The following GRID1 variants were observed in gnomAD, a reference collection of about 807,000 sequenced individuals.
GRID1 encodes glutamate receptor ionotropic, delta-1.
GRID1 carries 28 observed loss-of-function variants against 98.0 expected under a neutral mutation model. That is an observed-to-expected ratio of 0.29 (90% confidence interval 0.21 to 0.39). The LOEUF (loss-of-function observed/expected upper bound fraction) is 0.39. Among genes scored for constraint, GRID1 ranks in the 10% least tolerant of loss-of-function variants. GRID1 has a pLI of 1.00. For synonymous variants in GRID1, 553 were observed against 538.5 expected (o/e 1.03, Z -0.37); for missense variants, 1,111 against 1,340.5 (o/e 0.83, Z 2.67).
intron 2 of GRID1, among the ~76,000 whole-genome samples, chr10:86,322,986 T>C (rs1251302460): frequency 6.6e-6 from 1 of 151,230 alleles, no homozygotes; most frequent in Non-Finnish European, 1.5e-5. Flanking sequence ...TCCCAGCTCC[T>C]TGGGATGCCG....
At chr10:85,828,599 T>A (rs1263684005) in intron 8 of GRID1, among the ~76,000 whole-genome samples, 1 of 151,228 alleles carries the variant, frequency 6.6e-6, no homozygotes, top group African/African-American at 2.4e-5. Flanking sequence ...CAGTCAGAAA[T>A]GACAAAGAGA....
chr10:85,777,951 G>A (rs995772165), intron 8 of GRID1, among the ~76,000 whole-genome samples: 7 of 152,122 alleles, frequency 4.6e-5, no homozygotes, highest in Non-Finnish European at 1.0e-4. Context: ...CACCCCAAAT[G>A]TATTTCTGTA....
intron 4 of GRID1, among the ~76,000 whole-genome samples, chr10:86,080,672 C>T (rs1351733000): frequency 1.3e-5 from 2 of 151,972 alleles, no homozygotes; most frequent in Non-Finnish European, 2.9e-5. Context: ...CAGAAGCAAA[C>T]TCTGACACAA....
chr10:85,772,502 A>G (rs1409136393), intron 8 of GRID1, among the ~76,000 whole-genome samples: 1 of 152,006 alleles, frequency 6.6e-6, no homozygotes, highest in African/African-American at 2.4e-5. Context: ...TAGAGACACA[A>G]AAAACCCTTC....
chr10:86,250,036 G>C (rs1445562336), intron 2 of GRID1, among the ~76,000 whole-genome samples: 1 of 151,960 alleles, frequency 6.6e-6, no homozygotes, highest in East Asian at 1.9e-4. Context: ...TGGGTAGTTG[G>C]ATGGGTGAAT....
intron 12 of GRID1, among the ~76,000 whole-genome samples, chr10:85,703,184 A>T (rs1265153820): frequency 3.3e-5 from 5 of 152,182 alleles, no homozygotes; most frequent in Non-Finnish European, 7.4e-5. Context: ...GATATGTTTT[A>T]ATTAATGTAT....
intron 12 of GRID1, among the ~76,000 whole-genome samples, chr10:85,704,774 A>G (rs1226414665): frequency 6.6e-6 from 1 of 152,254 alleles, no homozygotes; most frequent in East Asian, 1.9e-4. Flanking sequence ...ACTATCTTTC[A>G]GACCACAGTG....
intron 4 of GRID1, among the ~76,000 whole-genome samples, chr10:85,952,256 A>G (rs576824509): frequency 2.3e-4 from 35 of 152,360 alleles, no homozygotes; most frequent in African/African-American, 7.9e-4. Flanking sequence ...ATGTTACGAC[A>G]TCAACCTGAA....
intron 8 of GRID1, among the ~76,000 whole-genome samples, chr10:85,850,913 A>G (rs1843051902): frequency 6.6e-6 from 1 of 152,214 alleles, no homozygotes; most frequent in African/African-American, 2.4e-5. Context: ...ATGAGACAAC[A>G]TACGTACAAT....
At chr10:86,169,395 A>G (rs1289107785) in intron 3 of GRID1, among the ~76,000 whole-genome samples, 1 of 152,196 alleles carries the variant, frequency 6.6e-6, no homozygotes, top group Non-Finnish European at 1.5e-5. Flanking sequence ...CTTGATGTAA[A>G]TATTTCCACC....
chr10:86,099,304 T>A (rs1404231101), intron 4 of GRID1, among the ~76,000 whole-genome samples: 2 of 152,198 alleles, frequency 1.3e-5, no homozygotes, highest in Non-Finnish European at 2.9e-5. Flanking sequence ...GACTGCTCTA[T>A]AAATCCTTCA....
At chr10:85,683,486 G>A (rs1486765188) in intron 12 of GRID1, among the ~76,000 whole-genome samples, 3 of 152,208 alleles carry the variant, frequency 2.0e-5, no homozygotes, top group African/African-American at 7.2e-5. Context: ...GAGGACTGGT[G>A]AGCTGAAACA....
rs1032983306 is a variant in GRID1, at chr10:85,916,448, G to A, written c.727-209C>T. Among the ~76,000 whole-genome samples, 3 of 151,010 alleles carry A rather than the reference G, an allele frequency of 2.0e-5. No individual in the cohort carries two copies. The highest frequency in any genetic ancestry group is 4.4e-5 in the Non-Finnish European group (3 of 68,024). ...ATCTGATTTCCTGCTCTCCCTCCACGCACTCCTGCACCAGCCCAGAGCAAG... is the reference window on the plus strand; with the variant it reads ...ATCTGATTTCCTGCTCTCCCTCCACACACTCCTGCACCAGCCCAGAGCAAG... On this transcript the variant is annotated intron_variant, in intron 4 of 15. Coordinates refer to ENST00000327946, the MANE Select transcript of GRID1 (RefSeq NM_017551.3). This position sits in a 1 kb window ranked among gnomAD's most constrained non-coding sequence, Gnocchi z 4.0.
intron 3 of GRID1, among the ~76,000 whole-genome samples, chr10:86,147,216 C>A (rs1468190748): frequency 1.3e-5 from 2 of 152,202 alleles, no homozygotes; most frequent in Non-Finnish European, 2.9e-5. Context: ...TCATGGCAGG[C>A]CTGGCCCTGA....
intron 5 of GRID1, among the ~76,000 whole-genome samples, chr10:85,905,171 G>T (rs1056848904): frequency 2.0e-5 from 3 of 151,784 alleles, no homozygotes; most frequent in African/African-American, 7.3e-5. Flanking sequence ...ACAAAAGTAA[G>T]GACAATATCA....
At chr10:86,294,806 G>T (rs989144890) in intron 2 of GRID1, among the ~76,000 whole-genome samples, 3 of 152,178 alleles carry the variant, frequency 2.0e-5, no homozygotes, top group Non-Finnish European at 4.4e-5. Flanking sequence ...AAGAAAAGGA[G>T]TACAACAGAA....
At chr10:86,057,918 G>C (rs994366224) in intron 4 of GRID1, among the ~76,000 whole-genome samples, 1 of 152,200 alleles carries the variant, frequency 6.6e-6, no homozygotes, top group Admixed American at 6.5e-5. Flanking sequence ...CTAACACTAT[G>C]CCAGGCATGC....
chr10:85,857,043 C>T (rs1243233102), intron 6 of GRID1, among the ~76,000 whole-genome samples: 1 of 152,168 alleles, frequency 6.6e-6, no homozygotes, highest in East Asian at 1.9e-4. Context: ...CCACTCTGGT[C>T]GCCGGACACG....
intron 2 of GRID1, among the ~76,000 whole-genome samples, chr10:86,305,770 G>C (rs1327732031): frequency 6.6e-6 from 1 of 152,198 alleles, no homozygotes; most frequent in Non-Finnish European, 1.5e-5. Flanking sequence ...CAATGCCTCT[G>C]GCCCTCTGGG....
Sources: allele counts gnomAD v4.1 joint callset (sites outside exome capture counted in the v4.1 genomes callset), GRCh38; gene constraint gnomAD v4.1.1; non-coding constraint Gnocchi (gnomAD v3.1); transcripts MANE v1.5; gene names NCBI Gene and HGNC (gene_info 2026-07-23, HGNC 2026-07-21).